The following FGD4 variants were observed in gnomAD, a reference collection of about 807,000 sequenced individuals.
FGD4 encodes FYVE, RhoGEF and PH domain-containing protein 4.
FGD4 carries 42 observed loss-of-function variants against 102.0 expected under a neutral mutation model. The observed-to-expected ratio is 0.41, with a 90% CI of 0.32 to 0.53. FGD4 has a LOEUF of 0.53. FGD4 is among the 20% of genes least tolerant of loss of function. The pLI is 0.21. For synonymous variants in FGD4, 380 were observed against 375.7 expected (o/e 1.01, Z -0.13); for missense variants, 902 against 1,078.2 (o/e 0.84, Z 2.29).
chr12:32,629,235 G>GAGT (rs1280539276), intron 14 of FGD4, among the ~76,000 whole-genome samples: 1 of 152,182 alleles, frequency 6.6e-6, no homozygotes, highest in East Asian at 1.9e-4. Context: ...GGAAGACAGG[G>GAGT]AGTAAGTAGT....
intron 1 of FGD4, among the ~76,000 whole-genome samples, chr12:32,554,849 G>T (rs1943964889): frequency 6.6e-6 from 1 of 152,252 alleles, no homozygotes; most frequent in African/African-American, 2.4e-5. Context: ...AGTGTGCCTG[G>T]AATGGAATGC....
At chr12:32,473,435 G>C (rs112633086) in intron 1 of FGD4, among the ~76,000 whole-genome samples, 5 of 152,018 alleles carry the variant, frequency 3.3e-5, no homozygotes, top group South Asian at 2.1e-4. Flanking sequence ...CTCCAGACGC[G>C]CCGCCTTAAA....
rs150518366 is a variant in FGD4, at chr12:32,577,269, C to A, written c.503+820C>A. Among the ~76,000 whole-genome samples the A allele has an allele frequency of 1.7e-3, 254 of 152,186 alleles. 1 individual carries two copies. Among genetic ancestry groups the A allele is most frequent in the African/African-American group, 5.3e-3 (220 of 41,512 alleles). On this transcript the variant is annotated intron_variant, in intron 3 of 16. Coordinates refer to ENST00000534526, the MANE Select transcript of FGD4 (RefSeq NM_001370298.3). ...TCAGTAGAATTTTGTTACCTGTCAC[C>A]AAAAGTCTATGTACAACTAAACAGA...
At chr12:32,438,763 G>A (rs1228592724) in intron 1 of FGD4, among the ~76,000 whole-genome samples, 8 of 151,778 alleles carry the variant, frequency 5.3e-5, no homozygotes, top group South Asian at 2.1e-4. Context: ...CCGCCACCAC[G>A]CCCAGCTAAT....
intron 2 of FGD4, among the ~76,000 whole-genome samples, chr12:32,572,617 A>G (rs539596384): frequency 2.0e-5 from 3 of 152,246 alleles, no homozygotes; most frequent in Non-Finnish European, 4.4e-5. Flanking sequence ...AATATTGCCT[A>G]CAATTTATAA....
chr12:32,474,844 C>T (rs1455413583), intron 1 of FGD4, among the ~76,000 whole-genome samples: 4 of 152,124 alleles, frequency 2.6e-5, no homozygotes, highest in African/African-American at 4.8e-5. Context: ...GTTGAGGCTG[C>T]GGTGAGCCGT....
intron 1 of FGD4, among the ~76,000 whole-genome samples, chr12:32,467,831 C>T (rs1943304199): frequency 6.6e-6 from 1 of 152,088 alleles, no homozygotes; most frequent in South Asian, 2.1e-4. Context: ...GCCTGGCCAA[C>T]GTGGTGAAAC....
At position 32,597,837 on chromosome 12, in the gene FGD4, G is replaced by T. The variant is rs145354701; in HGVS notation, c.1012-660G>T. On this transcript the variant is annotated intron_variant, in intron 4 of 16. Transcript: ENST00000534526. ...TGTTGAATCTCATTGATGGGCATGT[G>T]GGGGTTCACTTTACTGTTTTCTGTA... Among the ~76,000 whole-genome samples the T allele has an allele frequency of 4.8e-4, 73 of 152,288 alleles. No individual in the cohort carries two copies. The East Asian group carries it at 0.012, about 25-fold the overall frequency.
At chr12:32,408,410 G>A (rs1297244952) in intron 1 of FGD4, among the ~76,000 whole-genome samples, 3 of 152,156 alleles carry the variant, frequency 2.0e-5, no homozygotes, top group East Asian at 1.9e-4. Flanking sequence ...CAGGTGATCC[G>A]CCCACCACGG....
chr12:32,563,450 G>A (rs1329364269), intron 1 of FGD4, among the ~76,000 whole-genome samples: 9 of 151,798 alleles, frequency 5.9e-5, no homozygotes, highest in Admixed American at 5.9e-4. Context: ...GATGGCGGCC[G>A]GGAAGAGGCA....
At chr12:32,488,715 C>T (rs530282496) in intron 1 of FGD4, among the ~76,000 whole-genome samples, 20 of 150,840 alleles carry the variant, frequency 1.3e-4, no homozygotes, top group African/African-American at 4.4e-4. Context: ...CCAAGGTGGG[C>T]GGATCATGAG....
intron 1 of FGD4, among the ~76,000 whole-genome samples, chr12:32,528,283 G>T (rs1941460106): frequency 6.6e-6 from 1 of 152,212 alleles, no homozygotes; most frequent in African/African-American, 2.4e-5. Context: ...CAGCATGTGG[G>T]GCTGGGGGAT....
Position 32,598,593 on chromosome 12 carries a change from T to A in FGD4, c.1101+7T>A, listed in dbSNP as rs1256042425. ...ACTTGACCTCTTAGATCAGGTAAGA[T>A]TTTCTTTCTCAGAATTATTTTATAT... On this transcript the variant is annotated splice_region_variant and intron_variant, in intron 5 of 16. Coordinates refer to ENST00000534526, the MANE Select transcript of FGD4 (RefSeq NM_001370298.3). 6.2e-7 allele frequency: 1 copy of A among 1,606,284 alleles called. No homozygotes were observed. Among genetic ancestry groups the A allele is most frequent in the Admixed American group, 1.7e-5 (1 of 59,982 alleles).
chr12:32,584,419 T>C (rs1592302510), intron 4 of FGD4, among the ~76,000 whole-genome samples: 4 of 152,192 alleles, frequency 2.6e-5, no homozygotes, highest in East Asian at 1.9e-4. Context: ...TTAATAAAAA[T>C]GTCAATGGTA....
In FGD4 at chr12:32,465,266, T is replaced by TTATA. The variant is rs60178189; in HGVS notation, c.166+65318_166+65321dup. 3.0e-3 allele frequency among the ~76,000 whole-genome samples: 454 copies of TTATA among 151,190 alleles called. 4 individuals carry two copies. The highest frequency in any genetic ancestry group is 0.011 in the African/African-American group (432 of 41,042). On this transcript the variant is annotated intron_variant, in intron 1 of 16. Transcript: ENST00000534526. Reference sequence around the variant, plus strand: ...TCGATTAATACATATTTTGTATGTTTTATATATATATATAATATACTGTTT... The same window carrying TTATA: ...TCGATTAATACATATTTTGTATGTTTTATATATATATATATATAATATACTGTTT...
chr12:32,599,277 G>A (rs1948157265), intron 5 of FGD4, among the ~76,000 whole-genome samples: 2 of 150,424 alleles, frequency 1.3e-5, no homozygotes, highest in South Asian at 2.1e-4. Flanking sequence ...GGCGGATCAC[G>A]AGGTCAGGAG....
At chr12:32,440,267 G>C (rs1047717655) in intron 1 of FGD4, among the ~76,000 whole-genome samples, 6 of 152,162 alleles carry the variant, frequency 3.9e-5, no homozygotes, top group Non-Finnish European at 8.8e-5. Context: ...TTCCTTGTCT[G>C]GGCTTGTTTG....
intron 5 of FGD4, among the ~76,000 whole-genome samples, chr12:32,599,043 G>A (rs910312119): frequency 1.3e-5 from 2 of 152,246 alleles, no homozygotes; most frequent in South Asian, 2.1e-4. Flanking sequence ...TCACTTATTC[G>A]ACCTTGTATG....
intron 1 of FGD4, among the ~76,000 whole-genome samples, chr12:32,514,030 C>T (rs1439023118): frequency 6.6e-6 from 1 of 152,114 alleles, no homozygotes; most frequent in African/African-American, 2.4e-5. Context: ...AGCAAACTTC[C>T]AGTTTCTCTT....
Sources: gnomAD v4.1 joint callset for allele counts (sites outside exome capture counted in the v4.1 genomes callset) on GRCh38, gnomAD v4.1.1 for gene constraint, MANE v1.5 for transcripts, NCBI Gene and HGNC (gene_info 2026-07-23, HGNC 2026-07-21) for gene names.